Variants in SPATA9 observed in about 807,000 individuals in gnomAD.
The protein encoded by SPATA9 is spermatogenesis-associated protein 9.
In SPATA9, 27 loss-of-function variants were observed where a neutral mutation model predicts 25.5. The ratio of observed to expected loss-of-function variants is 1.06; its 90% CI spans 0.78 to 1.46. SPATA9 has a LOEUF of 1.46. SPATA9 is among the 40% of genes most tolerant of loss of function. The pLI, the probability that SPATA9 is intolerant of heterozygous loss-of-function variation, is 0.00. For missense variants in SPATA9, 282 were observed against 297.5 expected, an observed-to-expected ratio of 0.95 and a Z score of 0.38; for synonymous variants, 102 against 105.7, an observed-to-expected ratio of 0.97 and a Z score of 0.21.
chr5:95,682,849 T>A lies in SPATA9; in HGVS notation c.6A>T (p.Pro2=). Residue 2 remains proline, a synonymous_variant, in exon 1 of 5, where the codon CCA becomes CCT. Coordinates refer to ENST00000274432, the MANE Select transcript of SPATA9 (RefSeq NM_031952.4). M[P]IKPVGWICGQ... is the part of the protein sequence containing the mutation. ...CACATATCCACCCAACAGGTTTGAT[T>A]GGCATGGTGAGTTCTTGCTTGGGTT... 1.3e-6 allele frequency: 2 copies of A among 1,530,958 alleles called. No homozygotes were observed. Among genetic ancestry groups the A allele is most frequent in the Non-Finnish European group, 1.7e-6 (2 of 1,143,808 alleles). The allele number at this position is 1,530,958 out of a possible 1,614,324, so 94.8% of individuals were successfully genotyped here. A position where few individuals can be genotyped will look rare whatever the true frequency, so the allele number is the denominator to read the frequency against.
At chr5:95,674,872 G>A (rs1752771631) in intron 3 of SPATA9, 1 of 445,812 alleles carries the variant, frequency 2.2e-6, no homozygotes, top group African/African-American at 2.0e-5. Flanking sequence ...GTGACATTTA[G>A]GATGCTTTGT....
the SPATA9 span, among the ~76,000 whole-genome samples, chr5:95,727,656 T>C: frequency 6.6e-6 from 1 of 152,184 alleles, no homozygotes. Context: ...ATTTTTTAAA[T>C]GTGCTGATGA....
At chr5:95,682,504 T>C in intron 2 of SPATA9, 24 bp downstream of exon 2, 1 of 1,478,440 alleles carries the variant, frequency 6.8e-7, no homozygotes, top group Non-Finnish European at 9.4e-7. Flanking sequence ...TCTATTCCTT[T>C]TAAAGGTTAT....
intron 3 of SPATA9, among the ~76,000 whole-genome samples, chr5:95,673,308 T>G (rs1752591711): frequency 6.6e-6 from 1 of 152,174 alleles, no homozygotes; most frequent in Non-Finnish European, 1.5e-5. Flanking sequence ...AAGATACTGC[T>G]CTGGCTGATG....
At chr5:95,666,737 A>G (rs764289828) in intron 3 of SPATA9, among the ~76,000 whole-genome samples, 10 of 56,062 alleles carry the variant, frequency 1.8e-4, no homozygotes, top group Admixed American at 4.9e-4. Context: ...AGGCAGCAGC[A>G]TCATGAGATT....
At chr5:95,731,898 A>T in the SPATA9 span, 9 of 1,613,880 alleles carry the variant, frequency 5.6e-6, no homozygotes, top group Non-Finnish European at 7.6e-6. Context: ...AGGGGGACAC[A>T]TTCCACCAGG....
At chr5:95,694,193 T>C (rs980168112) in intron 1 of SPATA9, among the ~76,000 whole-genome samples, 31 of 152,150 alleles carry the variant, frequency 2.0e-4, no homozygotes, top group Admixed American at 1.6e-3. Context: ...ATTACATACA[T>C]TTTAAGTATA....
rs1751515801 is a variant in SPATA9, at chr5:95,663,960, A to G, written c.467T>C (p.Ile156Thr). 1.3e-6 allele frequency: 2 copies of G among 1,540,144 alleles called. No homozygotes were observed. Among genetic ancestry groups the G allele is most frequent in the Non-Finnish European group, 1.8e-6 (2 of 1,138,646 alleles). ...ATAATTTTCTTAACTTACCAAATAA[A>G]TTAGTGCTGCATATGAAGCATATAT... ...SIIYASYAAL[I>T]YLAVCVNAVL... Residue 156 changes from isoleucine to threonine, a missense_variant, in exon 4 of 5, where the codon ATT becomes ACT. Coordinates refer to ENST00000274432, the MANE Select transcript of SPATA9 (RefSeq NM_031952.4).
intron 1 of SPATA9, among the ~76,000 whole-genome samples, chr5:95,692,127 C>CT (rs371655654): frequency 9.2e-5 from 14 of 151,708 alleles, no homozygotes; most frequent in Admixed American, 6.6e-4. Context: ...TGGTCTATGG[C>CT]TTTTTTTTGT....
the SPATA9 span, among the ~76,000 whole-genome samples, chr5:95,703,860 C>T: frequency 1.3e-5 from 2 of 151,944 alleles, no homozygotes; most frequent in Non-Finnish European, 2.9e-5. Flanking sequence ...ACATATTGTT[C>T]AGAGTTTTGG....
chr5:95,696,900 G>C (rs1754037182), intron 1 of SPATA9, among the ~76,000 whole-genome samples: 1 of 152,028 alleles, frequency 6.6e-6, no homozygotes, highest in South Asian at 2.1e-4. Context: ...TTAAAGATTA[G>C]GTGCAACCTA....
chr5:95,698,827 C>T (rs1355810242), upstream of SPATA9: 4 of 152,124 alleles, frequency 2.6e-5, no homozygotes, highest in East Asian at 5.8e-4. Flanking sequence ...CTACTTATTA[C>T]CTGAGAGCAA....
At position 95,694,606 on chromosome 5, in the gene SPATA9, A is replaced by G. The variant is rs540965784; in HGVS notation, n.124+3982T>C. Among the ~76,000 whole-genome samples, 93 of 152,322 alleles carry G rather than the reference A, an allele frequency of 6.1e-4. 1 individual carries two copies. The highest frequency in any genetic ancestry group is 1.9e-3 in the African/African-American group (79 of 41,578). ...GAGCCCAGACATGACATAATTCACTATGTGTGAATTTATTTAAATTTTCCA... is the reference window on the plus strand; with the variant it reads ...GAGCCCAGACATGACATAATTCACTGTGTGTGAATTTATTTAAATTTTCCA... On this transcript the variant is annotated intron_variant and non_coding_transcript_variant, in intron 1 of 2. Transcript: ENST00000379990.
chr5:95,667,628 C>T (rs1751951616), intron 3 of SPATA9, among the ~76,000 whole-genome samples: 1 of 152,080 alleles, frequency 6.6e-6, no homozygotes, highest in Admixed American at 6.6e-5. Flanking sequence ...GCAGATATAC[C>T]TCCTAGCAGA....
chr5:95,683,076 G>A (rs1036022683), upstream of SPATA9: 152 of 1,161,706 alleles, frequency 1.3e-4, no homozygotes, highest in Non-Finnish European at 3.3e-5. Flanking sequence ...GAGAGGAAGA[G>A]GAGTGTGTTT....
downstream of SPATA9, chr5:95,652,557 T>G (rs1189507701): frequency 4.3e-6 from 2 of 467,860 alleles, no homozygotes; most frequent in Non-Finnish European, 7.1e-6. Context: ...GCACTACAGT[T>G]CACCTAGCTG....
chr5:95,664,620 T>C (rs1365083516), intron 3 of SPATA9, among the ~76,000 whole-genome samples: 1 of 152,218 alleles, frequency 6.6e-6, no homozygotes, highest in African/African-American at 2.4e-5. Flanking sequence ...GTGTTTCTAG[T>C]TTCTGGCAGT....
the SPATA9 span, chr5:95,713,408 C>T: frequency 6.7e-4 from 100 of 150,182 alleles, 1 homozygote; most frequent in African/African-American, 1.3e-3. Context: ...GATCTTGTGA[C>T]AGTGAGTGAG....
intron 1 of SPATA9, among the ~76,000 whole-genome samples, chr5:95,688,042 T>C (rs1485074135): frequency 6.6e-6 from 1 of 152,162 alleles, no homozygotes. Context: ...GAACTACTAC[T>C]CGATCTGGCA....
Sources: allele counts gnomAD v4.1 joint callset (sites outside exome capture counted in the v4.1 genomes callset), GRCh38; gene constraint gnomAD v4.1.1; transcripts MANE v1.5; gene names NCBI Gene and HGNC (gene_info 2026-07-23, HGNC 2026-07-21).